Variants in HMCN1 observed in about 807,000 individuals in gnomAD.
The protein encoded by HMCN1 is hemicentin-1.
Under a neutral mutation model 625.9 loss-of-function variants are expected in HMCN1, and 321 were observed. The observed-to-expected ratio is 0.51, with a 90% confidence interval of 0.47 to 0.56. The LOEUF is 0.56. Among genes scored for constraint, HMCN1 ranks in the 20% least tolerant of loss-of-function variants. The pLI is 0.00. For synonymous variants in HMCN1, 2,425 were observed against 2,417.6 expected (o/e 1.00, Z -0.09); for missense variants, 6,588 against 6,887.3 (o/e 0.96, Z 1.54).
At chr1:185,785,335 G>A (rs1368980552) in intron 1 of HMCN1, among the ~76,000 whole-genome samples, 8 of 152,166 alleles carry the variant, frequency 5.3e-5, no homozygotes, top group Non-Finnish European at 5.9e-5. Context: ...TGAGATAACT[G>A]TACACTTTCT....
At chr1:185,834,739 G>C (rs528822457) in intron 1 of HMCN1, among the ~76,000 whole-genome samples, 10 of 152,102 alleles carry the variant, frequency 6.6e-5, no homozygotes, top group Non-Finnish European at 1.3e-4. Flanking sequence ...ATAATTGCAG[G>C]CCGTTTTAGA....
At chr1:185,908,476 G>T (rs1036210188) in intron 4 of HMCN1, among the ~76,000 whole-genome samples, 1 of 151,894 alleles carries the variant, frequency 6.6e-6, no homozygotes, top group Non-Finnish European at 1.5e-5. Context: ...GTGATCAAAG[G>T]TTATCATGAC....
At chr1:186,148,674 T>G (rs989802038) in intron 93 of HMCN1, among the ~76,000 whole-genome samples, 1 of 152,086 alleles carries the variant, frequency 6.6e-6, no homozygotes, top group African/African-American at 2.4e-5. Flanking sequence ...GCTAATTTTT[T>G]GTATTTTTTT....
chr1:186,079,201 G>A (rs1659016356), intron 55 of HMCN1, among the ~76,000 whole-genome samples: 1 of 152,098 alleles, frequency 6.6e-6, no homozygotes, highest in South Asian at 2.1e-4. Context: ...TTTTTGCTCT[G>A]CCTCTGTGGC....
At chr1:185,736,230 ACTC>A (rs1486524383) in intron 1 of HMCN1, among the ~76,000 whole-genome samples, 18 of 151,804 alleles carry the variant, frequency 1.2e-4, no homozygotes, top group South Asian at 4.2e-4. Context: ...AATCTGTACT[ACTC>A]TTCTGGGATA....
chr1:185,874,076 T>C (rs186136578), intron 4 of HMCN1, among the ~76,000 whole-genome samples: 4 of 152,004 alleles, frequency 2.6e-5, no homozygotes, highest in Non-Finnish European at 5.9e-5. Context: ...AAAAAACATA[T>C]GAATATTGTT....
At chr1:185,930,743 T>A (rs915841965) in intron 10 of HMCN1, among the ~76,000 whole-genome samples, 5 of 152,148 alleles carry the variant, frequency 3.3e-5, no homozygotes, top group Non-Finnish European at 7.4e-5. Context: ...TAGAAAGCAA[T>A]GTTCTTCTCT....
chr1:185,865,710 A>G, intron 3 of HMCN1, 31 bp from the exon 4 acceptor site: 1 of 1,574,154 alleles, frequency 6.4e-7, no homozygotes, highest in South Asian at 1.1e-5. Flanking sequence ...GAAACCCTTT[A>G]CACTGTTTCT....
chr1:185,802,772 T>C (rs1354391388), intron 1 of HMCN1, among the ~76,000 whole-genome samples: 2 of 152,068 alleles, frequency 1.3e-5, no homozygotes, highest in Non-Finnish European at 2.9e-5. Flanking sequence ...TTAACTAAAA[T>C]TGAAGCTTTG....
chr1:186,028,051 C>A (rs10752959), intron 36 of HMCN1, among the ~76,000 whole-genome samples: 1 of 151,294 alleles, frequency 6.6e-6, no homozygotes, highest in Non-Finnish European at 1.5e-5. Context: ...CTCACTATTT[C>A]ACAATTTCAC....
chr1:186,134,044 A>G (rs146166307), intron 86 of HMCN1, among the ~76,000 whole-genome samples: 10 of 152,288 alleles, frequency 6.6e-5, no homozygotes, highest in Admixed American at 5.2e-4. Flanking sequence ...CCCAGTTTAA[A>G]AAAAGCTACA....
At chr1:185,957,302 G>A (rs969555930) in intron 11 of HMCN1, among the ~76,000 whole-genome samples, 2 of 152,270 alleles carry the variant, frequency 1.3e-5, no homozygotes, top group African/African-American at 2.4e-5. Context: ...GAAACAAAAT[G>A]TGAGTGAGTT....
intron 70 of HMCN1, among the ~76,000 whole-genome samples, chr1:186,107,413 T>C (rs1660660916): frequency 6.6e-6 from 1 of 152,360 alleles, no homozygotes; most frequent in Middle Eastern, 3.4e-3. Flanking sequence ...ATATAAACTA[T>C]GATGAAGAAA....
intron 2 of HMCN1, among the ~76,000 whole-genome samples, chr1:185,851,015 T>C (rs568462016): frequency 6.6e-6 from 1 of 152,302 alleles, no homozygotes; most frequent in South Asian, 2.1e-4. Context: ...GTCTACATCA[T>C]CACTTAACAC....
intron 15 of HMCN1, among the ~76,000 whole-genome samples, chr1:185,973,870 G>T (rs1388126703): frequency 6.6e-6 from 1 of 152,088 alleles, no homozygotes; most frequent in African/African-American, 2.4e-5. Flanking sequence ...TTAGACTGTG[G>T]TTTCATGCTT....
intron 16 of HMCN1, among the ~76,000 whole-genome samples, chr1:185,979,221 G>A (rs1651443717): frequency 6.6e-6 from 1 of 151,930 alleles, no homozygotes; most frequent in Non-Finnish European, 1.5e-5. Context: ...TGAATGTCCA[G>A]GTGAAAAAAT....
chr1:185,823,451 A>G (rs777135378), intron 1 of HMCN1, among the ~76,000 whole-genome samples: 10 of 152,182 alleles, frequency 6.6e-5, no homozygotes, highest in African/African-American at 9.6e-5. Flanking sequence ...TGTTAATTTC[A>G]TGGTAATAAA....
At chr1:185,846,268 A>G (rs79340647) in intron 2 of HMCN1, among the ~76,000 whole-genome samples, 172 bp downstream of exon 2, 1 of 152,198 alleles carries the variant, frequency 6.6e-6, no homozygotes, top group Non-Finnish European at 1.5e-5. Flanking sequence ...AACAATACAT[A>G]CAGAAATAGG....
rs1661331001 is a variant in HMCN1, at chr1:186,120,102, C to T, written c.12186C>T (p.Asn4062=). Residue 4062 remains asparagine (N), a synonymous_variant, in exon 80 of 107, where the codon AAC becomes AAT. Coordinates refer to ENST00000271588, the MANE Select transcript of HMCN1 (RefSeq NM_031935.3). ...DAGTYMCVAQ[N]PAGTALGKIK... Reference sequence around the variant, plus strand: ...GCACTTACATGTGTGTGGCCCAGAACCCGGCTGGTACAGCCTTGGGCAAAA... The same window carrying T: ...GCACTTACATGTGTGTGGCCCAGAATCCGGCTGGTACAGCCTTGGGCAAAA... The T allele has an allele frequency of 6.2e-7, 1 of 1,613,984 alleles. No individual in the cohort carries two copies. Among genetic ancestry groups the T allele is most frequent in the East Asian group, 2.2e-5 (1 of 44,872 alleles).
Sources: gnomAD v4.1 joint callset for allele counts (sites outside exome capture counted in the v4.1 genomes callset) on GRCh38, gnomAD v4.1.1 for gene constraint, MANE v1.5 for transcripts, NCBI Gene and HGNC (gene_info 2026-07-23, HGNC 2026-07-21) for gene names.